PTPRR: variants seen among roughly 807,000 people sequenced by gnomAD.
PTPRR encodes the protein receptor-type tyrosine-protein phosphatase R.
In PTPRR, 38 loss-of-function variants were observed where a neutral mutation model predicts 77.2. The observed-to-expected ratio is 0.49, with a 90% CI of 0.38 to 0.65. The LOEUF (loss-of-function observed/expected upper bound fraction) is 0.65, where lower values mean the gene tolerates loss of function less well. Among genes scored for constraint, PTPRR ranks in the 30% least tolerant of loss-of-function variants. PTPRR has a pLI of 0.00. For synonymous variants in PTPRR, 299 were observed against 283.1 expected (o/e 1.06, Z -0.57); for missense variants, 744 against 799.2 (o/e 0.93, Z 0.83).
chr12:70,858,517 C>A lies in PTPRR; in HGVS notation c.357+34162G>T, dbSNP rs546490693. Among the ~76,000 whole-genome samples, 35 of 152,166 alleles carry A rather than the reference C, an allele frequency of 2.3e-4. 1 individual carries two copies. Among genetic ancestry groups the A allele is most frequent in the South Asian group, 1.5e-3 (7 of 4,824 alleles). ...CCCTTTATTCTGATCCACCCAAGAT[C>A]ATGCCTTTTGTGGAGAGAAAACTAT... On this transcript the variant is annotated intron_variant, in intron 2 of 13. Transcript: ENST00000283228.
intron 1 of PTPRR, among the ~76,000 whole-genome samples, chr12:70,914,837 GCAA>G (rs906182882): frequency 6.6e-6 from 1 of 151,168 alleles, no homozygotes; most frequent in Non-Finnish European, 1.5e-5. Flanking sequence ...AACAACAACA[GCAA>G]CAACAACAAC....
Position 70,661,272 on chromosome 12 carries a change from G to C in PTPRR, c.1609-175C>G, listed in dbSNP as rs1294223109. ...CCTTTTACTTTGAGAAGACTTTACT[G>C]TCAGTAACCTGTTTGCAAAGTGAGA... On this transcript the variant is annotated intron_variant, in intron 11 of 13. Transcript: ENST00000283228. 4 of 753,440 alleles carry C rather than the reference G, an allele frequency of 5.3e-6. No individual in the cohort carries two copies. In the African/African-American group the frequency reaches 6.9e-5, roughly 13 times the overall value. 46.7% of individuals were successfully genotyped at this position (753,440 alleles called of 1,614,324 possible).
At chr12:70,868,032 T>C (rs1892887803) in intron 2 of PTPRR, among the ~76,000 whole-genome samples, 1 of 152,028 alleles carries the variant, frequency 6.6e-6, no homozygotes, top group African/African-American at 2.4e-5. Context: ...ATACAAAAAT[T>C]AATTCAAGAT....
intron 2 of PTPRR, among the ~76,000 whole-genome samples, chr12:70,849,691 C>A (rs547655206): frequency 8.8e-4 from 134 of 152,248 alleles, no homozygotes; most frequent in African/African-American, 3.1e-3. Flanking sequence ...TGACAATGGG[C>A]AAAAATTATT....
chr12:70,840,061 T>C (rs952090086), intron 2 of PTPRR, among the ~76,000 whole-genome samples: 3 of 152,174 alleles, frequency 2.0e-5, no homozygotes, highest in African/African-American at 4.8e-5. Context: ...CATAATGAAT[T>C]ACCTCAACCT....
At chr12:70,703,172 G>A (rs534688516) in intron 6 of PTPRR, among the ~76,000 whole-genome samples, 1 of 151,932 alleles carries the variant, frequency 6.6e-6, no homozygotes, top group East Asian at 1.9e-4. Context: ...AAGGGATTTA[G>A]TCATATCTTC....
Position 70,651,901 on chromosome 12 carries a change from T to TAA in PTPRR, c.1880+4801_1880+4802dup, listed in dbSNP as rs34627900. Among the ~76,000 whole-genome samples, 851 of 147,696 alleles carry TAA rather than the reference T, an allele frequency of 5.8e-3. 6 individuals carry two copies. Among genetic ancestry groups the TAA allele is most frequent in the African/African-American group, 0.019 (778 of 40,506 alleles). The stretch of plus-strand genomic sequence containing the variant: ...TATCTCGAATTCTTTGGTTCCTCAT[T>TAA]AAAAAAAAAAAAATTAGGCCAAGAT... On this transcript the variant is annotated intron_variant, in intron 13 of 13. Coordinates refer to ENST00000283228, the MANE Select transcript of PTPRR (RefSeq NM_002849.4).
intron 2 of PTPRR, among the ~76,000 whole-genome samples, chr12:70,852,434 G>T (rs906692767): frequency 2.6e-5 from 4 of 152,160 alleles, no homozygotes; most frequent in African/African-American, 9.7e-5. Context: ...CTATGACCTA[G>T]TTTCTGCAGT....
intron 6 of PTPRR, among the ~76,000 whole-genome samples, chr12:70,721,450 G>A (rs1296773236): frequency 6.6e-6 from 1 of 152,212 alleles, no homozygotes; most frequent in African/African-American, 2.4e-5. Flanking sequence ...CAGGCACACG[G>A]TGGATAGCTC....
At chr12:70,719,588 A>T (rs940991513) in intron 6 of PTPRR, among the ~76,000 whole-genome samples, 4 of 152,152 alleles carry the variant, frequency 2.6e-5, no homozygotes, top group Non-Finnish European at 5.9e-5. Context: ...AAAGGCTTAA[A>T]TACTGAAAGA....
At chr12:70,886,337 G>A (rs1198015670) in intron 2 of PTPRR, among the ~76,000 whole-genome samples, 1 of 152,226 alleles carries the variant, frequency 6.6e-6, no homozygotes, top group Non-Finnish European at 1.5e-5. Context: ...GATTATATAA[G>A]AAGATCTTAT....
At chr12:70,891,777 G>GA (rs534746676) in intron 2 of PTPRR, among the ~76,000 whole-genome samples, 4 of 151,636 alleles carry the variant, frequency 2.6e-5, no homozygotes, top group African/African-American at 7.3e-5. Context: ...AAAAAATAAA[G>GA]AAAAAAAAGA....
chr12:70,839,013 G>A (rs1483938814), intron 2 of PTPRR, among the ~76,000 whole-genome samples: 1 of 152,178 alleles, frequency 6.6e-6, no homozygotes, highest in Non-Finnish European at 1.5e-5. Flanking sequence ...CTAATGAGAT[G>A]TTTACTGAGG....
intron 2 of PTPRR, among the ~76,000 whole-genome samples, chr12:70,877,717 A>G (rs1893075524): frequency 6.6e-6 from 1 of 152,160 alleles, no homozygotes; most frequent in Non-Finnish European, 1.5e-5. Flanking sequence ...CAAGCTACCA[A>G]TGACTTTCTT....
rs1047598491 is a variant in PTPRR at position 70,671,974 on chromosome 12, G to GCCC, written c.1498-9372_1498-9370dup. On this transcript the variant is annotated intron_variant, in intron 10 of 13. Coordinates refer to ENST00000283228, the MANE Select transcript of PTPRR (RefSeq NM_002849.4). ...CAGCTCTGCTGCAGGCTCAGAAGTG[G>GCCC]CCCTTTCAACCCTCCAGAGACATGA... 2.4e-6 allele frequency: 3 copies of GCCC among 1,233,216 alleles called. No individual in the cohort carries two copies. In the African/African-American group the frequency reaches 4.4e-5, roughly 18 times the overall value. 76.4% of individuals were successfully genotyped at this position (1,233,216 alleles called of 1,614,324 possible). A position where few individuals can be genotyped will look rare whatever the true frequency, so the allele number is the denominator to read the frequency against.
At chr12:70,815,747 A>T (rs1357658735) in intron 2 of PTPRR, among the ~76,000 whole-genome samples, 1 of 152,172 alleles carries the variant, frequency 6.6e-6, no homozygotes, top group South Asian at 2.1e-4. Flanking sequence ...GTAAGGTCTC[A>T]TTCATTGATT....
At chr12:70,792,531 C>G (rs558873823) in intron 2 of PTPRR, among the ~76,000 whole-genome samples, 1 of 152,114 alleles carries the variant, frequency 6.6e-6, no homozygotes, top group South Asian at 2.1e-4. Context: ...AAATTTCAAA[C>G]TTATATCTTG....
chr12:70,716,308 A>C (rs1366550705), intron 6 of PTPRR, among the ~76,000 whole-genome samples: 13 of 151,052 alleles, frequency 8.6e-5, no homozygotes, highest in Non-Finnish European at 2.9e-5. Context: ...AATAATTTTC[A>C]ATTTTTTTCT....
At chr12:70,749,148 G>A (rs981612136) in intron 5 of PTPRR, among the ~76,000 whole-genome samples, 1 of 152,046 alleles carries the variant, frequency 6.6e-6, no homozygotes, top group Non-Finnish European at 1.5e-5. Context: ...AGAGTGATAA[G>A]ACTAAAAACA....
Sources: allele counts gnomAD v4.1 joint callset (sites outside exome capture counted in the v4.1 genomes callset), GRCh38; gene constraint gnomAD v4.1.1; transcripts MANE v1.5; gene names NCBI Gene and HGNC (gene_info 2026-07-23, HGNC 2026-07-21).